The following DDX3X variants were observed in gnomAD, a reference collection of about 807,000 sequenced individuals.
DDX3X encodes DEAD-box helicase 3 X-linked.
Under a neutral mutation model 52.7 loss-of-function variants are expected in DDX3X, and 4 were observed. The observed-to-expected ratio is 0.08, with a 90% CI of 0.04 to 0.17. The LOEUF (loss-of-function observed/expected upper bound fraction) is 0.17, where lower values mean the gene tolerates loss of function less well. Among genes scored for constraint, DDX3X ranks in the 10% least tolerant of loss-of-function variants. The pLI, the probability that DDX3X is intolerant of heterozygous loss-of-function variation, is 1.00. For synonymous variants in DDX3X, 192 were observed against 178.1 expected, an observed-to-expected ratio of 1.08 and a Z score of -0.62; for missense variants, 222 against 548.6, an observed-to-expected ratio of 0.40 and a Z score of 5.95.
At chrX:41,340,436 A>G (rs1220746493) in intron 3 of DDX3X, 1 of 132,329 alleles carries the variant, frequency 7.6e-6, no homozygotes, top group African/African-American at 3.1e-5. Flanking sequence ...GCAGAAGGAA[A>G]GTAACTGAAT....
chrX:41,341,028 C>T (rs1450649442), intron 3 of DDX3X: 1 of 223,443 alleles, frequency 4.5e-6, no homozygotes, highest in Non-Finnish European at 8.1e-6. Flanking sequence ...TCTTGTTTCC[C>T]GTGCTGGAGT....
chrX:41,341,448 T>A (rs1328691301), intron 3 of DDX3X, 36 bp from the exon 4 acceptor site: 1 of 1,128,226 alleles, frequency 8.9e-7, no homozygotes, highest in South Asian at 1.9e-5. Flanking sequence ...TATTTCTAAT[T>A]AATAATAAAA....
intron 1 of DDX3X, chrX:41,335,742 T>TA (rs1286877903): frequency 8.9e-6 from 1 of 112,365 alleles, no homozygotes; most frequent in South Asian, 3.6e-4. Flanking sequence ...AAGCATTTTC[T>TA]ACCCGTTAAT....
rs2063868237 is a variant in DDX3X at position 41,342,718 on chromosome X, AT to A, written c.444-18del. ...ACTAGCTAGTATAACAAATGAACTT[AT>A]CCATTTTTTGATTTGAGGGAACTCT... On this transcript the variant is annotated intron_variant, in intron 5 of 16. Transcript: ENST00000644876. 1 of 1,206,763 alleles carries A rather than the reference AT, an allele frequency of 8.3e-7. No homozygotes were observed. Among genetic ancestry groups the A allele is most frequent in the Non-Finnish European group, 1.1e-6 (1 of 890,869 alleles).
Position 41,347,995 on chromosome X carries a change from T to C in DDX3X, c.*276T>C, listed in dbSNP as rs1474110199. 5.9e-6 allele frequency: 2 copies of C among 337,133 alleles called. No homozygotes were observed. The highest frequency in any genetic ancestry group is 1.0e-5 in the Non-Finnish European group (2 of 197,235). 27.8% of individuals were successfully genotyped at this position (337,133 alleles called of 1,213,427 possible). A position where few individuals can be genotyped will look rare whatever the true frequency, so the allele number is the denominator to read the frequency against. ...CCATCCCAAACTGCATTTATAATTT[T>C]GTGACTGAGGATCATTTGTTTGTTA... On this transcript the variant is annotated 3_prime_UTR_variant, in exon 17 of 17. Coordinates refer to ENST00000644876, the MANE Select transcript of DDX3X (RefSeq NM_001356.5).
At chrX:41,352,181 T>TC (rs1242717885), downstream of DDX3X, among the ~76,000 whole-genome samples, 5 of 110,992 alleles carry the variant, frequency 4.5e-5, no homozygotes, top group Non-Finnish European at 9.4e-5. Flanking sequence ...CCCAATTTCC[T>TC]CCCCCCTCTT....
At chrX:41,343,891 T>A (rs2063886844) in intron 8 of DDX3X, 69 bp downstream of exon 8, 2 of 1,032,879 alleles carry the variant, frequency 1.9e-6, no homozygotes, top group Admixed American at 4.9e-5. Flanking sequence ...GCTTTCTAAA[T>A]GATGCTAAGA....
upstream of DDX3X, chrX:41,334,061 G>A (rs188732368): frequency 6.8e-6 from 3 of 438,074 alleles, no homozygotes; most frequent in Non-Finnish European, 8.1e-6. Flanking sequence ...AAGTCGCCGC[G>A]ACAGGGAATT....
intron 9 of DDX3X, 38 bp downstream of exon 9, chrX:41,344,166 G>T: frequency 8.4e-7 from 1 of 1,186,567 alleles, no homozygotes; most frequent in Non-Finnish European, 1.1e-6. Context: ...CTTTTTCATT[G>T]ATTCTAATTA....
intron 12 of DDX3X, 98 bp from the exon 13 acceptor site, chrX:41,346,131 T>G (rs1322556122): frequency 4.1e-6 from 3 of 727,678 alleles, no homozygotes; most frequent in Non-Finnish European, 6.1e-6. Context: ...TAAGAAGATA[T>G]ATATGTATTT....
chrX:41,355,035 G>A (rs2064003079), downstream of DDX3X, among the ~76,000 whole-genome samples: 8 of 111,071 alleles, frequency 7.2e-5, no homozygotes, highest in Admixed American at 6.8e-4. Flanking sequence ...TGGCCAGGCT[G>A]GTCTCGAAGT....
At chrX:41,343,536 T>C in intron 7 of DDX3X, 185 bp downstream of exon 7, 1 of 537,453 alleles carries the variant, frequency 1.9e-6, no homozygotes, top group Middle Eastern at 5.1e-4. Context: ...GCTTTATTTA[T>C]AAAAATAACA....
downstream of DDX3X, among the ~76,000 whole-genome samples, chrX:41,353,432 C>A (rs1255138636): frequency 9.3e-6 from 1 of 107,910 alleles, no homozygotes; most frequent in Non-Finnish European, 1.9e-5. Context: ...TGTGCCACTG[C>A]ACTCCAGCCT....
chrX:41,335,520 C>G (rs775234612), intron 1 of DDX3X: 17 of 111,025 alleles, frequency 1.5e-4, no homozygotes, highest in African/African-American at 5.2e-4. Context: ...AAGTCTGCAT[C>G]CCACCGCAAC....
At chrX:41,334,887 G>T (rs2063739417) in intron 1 of DDX3X, 3 of 496,495 alleles carry the variant, frequency 6.0e-6, no homozygotes, top group Non-Finnish European at 8.0e-6. Context: ...GGCGGGTCTC[G>T]GGCGGGCGAA....
intron 6 of DDX3X, 165 bp downstream of exon 6, chrX:41,343,001 C>T (rs990704218): frequency 3.5e-6 from 2 of 570,709 alleles, no homozygotes; most frequent in African/African-American, 2.3e-5. Context: ...AATTTATTAC[C>T]TAAAATAGAA....
chrX:41,354,344 CTTTTT>C (rs60965317), downstream of DDX3X, among the ~76,000 whole-genome samples: 15 of 69,961 alleles, frequency 2.1e-4, no homozygotes, highest in Admixed American at 2.8e-3. Context: ...TGTGCTACCT[CTTTTT>C]TTTTTTTTTT....
At chrX:41,361,613 T>C (rs1268079002) in intron 5 of DDX3X, among the ~76,000 whole-genome samples, 1 of 111,556 alleles carries the variant, frequency 9.0e-6, no homozygotes, top group Non-Finnish European at 1.9e-5. Context: ...GGACATGCTT[T>C]AGTCCCTAGG....
chrX:41,359,584 A>C (rs1253208397), intron 5 of DDX3X, among the ~76,000 whole-genome samples: 4 of 90,745 alleles, frequency 4.4e-5, no homozygotes, highest in African/African-American at 1.7e-4. Flanking sequence ...GCAACAGAGT[A>C]AGATTCCATC....
Sources: allele counts gnomAD v4.1 joint callset (sites outside exome capture counted in the v4.1 genomes callset), GRCh38; gene constraint gnomAD v4.1.1; transcripts MANE v1.5; gene names NCBI Gene and HGNC (gene_info 2026-07-23, HGNC 2026-07-21).